The following NEDD4 variants were observed in gnomAD, a reference collection of about 807,000 sequenced individuals.
The protein encoded by NEDD4 is E3 ubiquitin-protein ligase NEDD4.
Under a neutral mutation model 144.9 loss-of-function variants are expected in NEDD4, and 99 were observed. The observed-to-expected ratio is 0.68, with a 90% CI of 0.58 to 0.81. The LOEUF (loss-of-function observed/expected upper bound fraction) is 0.81. Ranked by LOEUF, NEDD4 falls within the 30% of genes least tolerant of loss-of-function variation. NEDD4 has a pLI of 0.00. For synonymous variants in NEDD4, 318 were observed against 350.6 expected, an observed-to-expected ratio of 0.91 and a Z score of 1.04; for missense variants, 985 against 1,065.9, an observed-to-expected ratio of 0.92 and a Z score of 1.06.
rs1199716997 is a variant in NEDD4, at chr15:55,956,691, ACT to A, written c.120-5104_120-5103del. On this transcript the variant is annotated intron_variant, in intron 2 of 28. Coordinates refer to ENST00000435532, the MANE Select transcript of NEDD4 (RefSeq NM_006154.4). ...ATATATCTATTCTCATGCCACTGCCACTCTGTCTTATTATAACTGTGTAGCAA... is the reference window on the plus strand; with the variant it reads ...ATATATCTATTCTCATGCCACTGCCACTGTCTTATTATAACTGTGTAGCAA... 3.3e-5 allele frequency among the ~76,000 whole-genome samples: 5 copies of A among 152,008 alleles called. No individual in the cohort carries two copies. In the East Asian group the frequency reaches 9.6e-4, roughly 29 times the overall value.
intron 5 of NEDD4, chr15:55,916,538 T>A (rs767776448): frequency 4.3e-6 from 7 of 1,614,004 alleles, no homozygotes; most frequent in Non-Finnish European, 5.9e-6. Flanking sequence ...ACTGAAGATA[T>A]CCACTGTACC....
chr15:55,988,359 G>T (rs866553248), intron 1 of NEDD4, among the ~76,000 whole-genome samples: 1 of 129,512 alleles, frequency 7.7e-6, no homozygotes, highest in Non-Finnish European at 1.6e-5. Context: ...AGCATTGGGA[G>T]ATATACCTAA....
intron 2 of NEDD4, among the ~76,000 whole-genome samples, chr15:55,959,958 A>T (rs1017308038): frequency 6.6e-6 from 1 of 152,214 alleles, no homozygotes; most frequent in Non-Finnish European, 1.5e-5. Flanking sequence ...GGACATTTTT[A>T]TACCAGAAGC....
chr15:55,900,849 T>G (rs1400127958), intron 5 of NEDD4, among the ~76,000 whole-genome samples: 2 of 152,194 alleles, frequency 1.3e-5, no homozygotes, highest in Non-Finnish European at 2.9e-5. Context: ...CCATTGCAAA[T>G]GTATTAATAA....
intron 5 of NEDD4, among the ~76,000 whole-genome samples, chr15:55,893,482 C>T (rs2035635941): frequency 6.6e-6 from 1 of 151,784 alleles, no homozygotes; most frequent in Admixed American, 6.6e-5. Context: ...TTAATTAAAA[C>T]TTTAATTGTA....
At chr15:55,884,402 C>T (rs1257908991) in intron 5 of NEDD4, among the ~76,000 whole-genome samples, 2 of 152,076 alleles carry the variant, frequency 1.3e-5, no homozygotes, top group Non-Finnish European at 2.9e-5. Flanking sequence ...CAAACATCCA[C>T]AAGCATCTAG....
intron 12 of NEDD4, among the ~76,000 whole-genome samples, chr15:55,853,572 T>G (rs1174391142): frequency 6.6e-6 from 1 of 152,240 alleles, no homozygotes; most frequent in African/African-American, 2.4e-5. Context: ...GAAATCATGC[T>G]TATCTGCTGA....
At chr15:55,894,371 T>G (rs1000739632) in intron 5 of NEDD4, among the ~76,000 whole-genome samples, 1 of 152,192 alleles carries the variant, frequency 6.6e-6, no homozygotes, top group Non-Finnish European at 1.5e-5. Flanking sequence ...GTGTGTAGGT[T>G]ACATGCAAAT....
chr15:55,876,326 C>A lies in NEDD4; in HGVS notation c.292-2318G>T, dbSNP rs1595783550. 2.7e-5 allele frequency among the ~76,000 whole-genome samples: 4 copies of A among 149,224 alleles called. 1 individual carries two copies. The highest frequency in any genetic ancestry group is 1.5e-5 in the Non-Finnish European group (1 of 67,474). ...ATCTAAAGAGAGTAATAAAGAGCAC[C>A]AGAAAATGGTAAATATGTGGGTAAA... On this transcript the variant is annotated intron_variant, in intron 5 of 28. Coordinates refer to ENST00000435532, the MANE Select transcript of NEDD4 (RefSeq NM_006154.4).
At chr15:55,927,321 T>C (rs1459816410) in intron 4 of NEDD4, among the ~76,000 whole-genome samples, 2 of 151,982 alleles carry the variant, frequency 1.3e-5, no homozygotes, top group Non-Finnish European at 2.9e-5. Context: ...CAAGATTCTT[T>C]TTTTTTTGAG....
At chr15:55,950,157 G>A (rs946760366) in intron 4 of NEDD4, among the ~76,000 whole-genome samples, 1 of 152,074 alleles carries the variant, frequency 6.6e-6, no homozygotes, top group Non-Finnish European at 1.5e-5. Flanking sequence ...CAGAAATTTA[G>A]CTTCATTTTT....
At chr15:55,896,879 C>A (rs1017258134) in intron 5 of NEDD4, among the ~76,000 whole-genome samples, 2 of 151,366 alleles carry the variant, frequency 1.3e-5, no homozygotes, top group South Asian at 2.1e-4. Context: ...CTATTTAAGA[C>A]CTAAAGATAA....
chr15:55,856,406 G>A lies in NEDD4; in HGVS notation c.961-210C>T, dbSNP rs559397659. On this transcript the variant is annotated intron_variant, in intron 11 of 28. Transcript: ENST00000435532. ...ATCCAGCTCCCATGCCCCCCGTGCT[G>A]GACTGCCTCCTGGACACCTTCTCTT... is the stretch of plus-strand genomic sequence containing the variant. 3.5e-4 allele frequency among the ~76,000 whole-genome samples: 53 copies of A among 152,166 alleles called. No individual in the cohort carries two copies. In the South Asian group the frequency reaches 0.011, roughly 31 times the overall value.
At chr15:55,893,268 G>C (rs1216985008) in intron 5 of NEDD4, among the ~76,000 whole-genome samples, 1 of 151,888 alleles carries the variant, frequency 6.6e-6, no homozygotes, top group Non-Finnish European at 1.5e-5. Context: ...AATCCTCTAT[G>C]CGCAAATGTC....
At chr15:55,847,862 T>G (rs2033813425) in intron 17 of NEDD4, among the ~76,000 whole-genome samples, 1 of 151,966 alleles carries the variant, frequency 6.6e-6, no homozygotes, top group South Asian at 2.1e-4. Context: ...GCATTTTTAG[T>G]AGAGACAGGG....
intron 5 of NEDD4, among the ~76,000 whole-genome samples, chr15:55,877,732 T>C (rs142685907): frequency 2.6e-5 from 4 of 152,296 alleles, no homozygotes; most frequent in Non-Finnish European, 5.9e-5. Flanking sequence ...ATTATTCTGC[T>C]TAAGCAAAGA....
chr15:55,985,007 G>T (rs2037866997), intron 1 of NEDD4, among the ~76,000 whole-genome samples: 1 of 152,162 alleles, frequency 6.6e-6, no homozygotes. Context: ...AGACAGCAAG[G>T]GGATGGGAGA....
chr15:55,847,985 A>C (rs1353706559), intron 17 of NEDD4, among the ~76,000 whole-genome samples: 1 of 152,118 alleles, frequency 6.6e-6, no homozygotes, highest in Non-Finnish European at 1.5e-5. Context: ...TTTCTATAAA[A>C]AAATTTAAGA....
chr15:55,956,260 T>C (rs1345389607), intron 2 of NEDD4, among the ~76,000 whole-genome samples: 2 of 152,226 alleles, frequency 1.3e-5, no homozygotes, highest in Non-Finnish European at 2.9e-5. Flanking sequence ...TCCCAATCTA[T>C]GGCTTGCATT....
Sources: allele counts gnomAD v4.1 joint callset (sites outside exome capture counted in the v4.1 genomes callset), GRCh38; gene constraint gnomAD v4.1.1; transcripts MANE v1.5; gene names NCBI Gene and HGNC (gene_info 2026-07-23, HGNC 2026-07-21).